The following ZBTB38 variants were observed in gnomAD, a reference collection of about 807,000 sequenced individuals.
ZBTB38 encodes the protein zinc finger and BTB domain-containing protein 38.
ZBTB38 carries 20 observed loss-of-function variants against 76.8 expected under a neutral mutation model. The ratio of observed to expected loss-of-function variants is 0.26; its 90% CI spans 0.18 to 0.38. ZBTB38 has a LOEUF of 0.38. ZBTB38 is among the 10% of genes least tolerant of loss of function. The probability of loss-of-function intolerance (pLI) is 1.00; values close to 1 mark genes in which losing one functional copy is unlikely to be tolerated. For synonymous variants in ZBTB38, 504 were observed against 544.2 expected (o/e 0.93, Z 1.03); for missense variants, 1,082 against 1,482.3 (o/e 0.73, Z 4.43).
chr3:141,424,156 C>T (rs546101404), intron 5 of ZBTB38, among the ~76,000 whole-genome samples: 3 of 152,330 alleles, frequency 2.0e-5, no homozygotes, highest in East Asian at 1.9e-4. Context: ...ATCTTAAACA[C>T]CTTCCTTTCT....
At chr3:141,373,850 C>T (rs945012870) in intron 2 of ZBTB38, among the ~76,000 whole-genome samples, 1 of 152,122 alleles carries the variant, frequency 6.6e-6, no homozygotes, top group African/African-American at 2.4e-5. Flanking sequence ...CTGATAAAGG[C>T]CGGGAGTGGT....
intron 4 of ZBTB38, chr3:141,389,311 GGTT>G (rs1198123314): frequency 1.3e-5 from 2 of 152,200 alleles, no homozygotes; most frequent in African/African-American, 4.8e-5. Context: ...GGGTGGTGGT[GGTT>G]GTTGTCATGT....
intron 5 of ZBTB38, among the ~76,000 whole-genome samples, chr3:141,439,774 GT>G (rs1296948480): frequency 2.6e-5 from 4 of 152,210 alleles, no homozygotes; most frequent in African/African-American, 9.7e-5. Context: ...CATATAGCAT[GT>G]GTTTTGTCAG....
intron 1 of ZBTB38, among the ~76,000 whole-genome samples, chr3:141,347,961 A>G (rs751373645): frequency 3.9e-5 from 6 of 152,172 alleles, no homozygotes; most frequent in East Asian, 3.8e-4. Flanking sequence ...TCTTGTTCTG[A>G]TTAGACCCTG....
At chr3:141,365,136 T>A (rs1227679632), upstream of ZBTB38, among the ~76,000 whole-genome samples, 1 of 152,034 alleles carries the variant, frequency 6.6e-6, no homozygotes, top group Non-Finnish European at 1.5e-5. Context: ...TGAAAACAAC[T>A]CAAGTGTTCA....
intron 1 of ZBTB38, among the ~76,000 whole-genome samples, chr3:141,332,138 T>C (rs1442376435): frequency 3.9e-5 from 6 of 152,192 alleles, no homozygotes; most frequent in African/African-American, 1.4e-4. Flanking sequence ...TTCATCCTAA[T>C]ACTTTTTTCC....
chr3:141,353,811 T>C, intron 1 of ZBTB38, among the ~76,000 whole-genome samples: 1 of 152,148 alleles, frequency 6.6e-6, no homozygotes, highest in African/African-American at 2.4e-5. Flanking sequence ...TGGTTCACTG[T>C]TACTCACTGT....
At chr3:141,402,126 C>G (rs1206463444) in intron 4 of ZBTB38, among the ~76,000 whole-genome samples, 1 of 152,202 alleles carries the variant, frequency 6.6e-6, no homozygotes, top group African/African-American at 2.4e-5. Flanking sequence ...GCCGCTGCCT[C>G]CTTGGTGGGG....
At chr3:141,385,068 T>G (rs1946759309) in intron 3 of ZBTB38, among the ~76,000 whole-genome samples, 1 of 152,222 alleles carries the variant, frequency 6.6e-6, no homozygotes, top group Non-Finnish European at 1.5e-5. Flanking sequence ...ATATTTTCTC[T>G]TTTAAAAAAA....
chr3:141,364,648 G>A (rs1017229001), upstream of ZBTB38, among the ~76,000 whole-genome samples: 4 of 118,846 alleles, frequency 3.4e-5, no homozygotes, highest in African/African-American at 9.3e-5. Context: ...TTGCACTCCA[G>A]CTGAGGCAAT....
At chr3:141,384,431 T>TATTTAGCCTACATGATAATAATTTGCG (rs1946645430) in intron 3 of ZBTB38, among the ~76,000 whole-genome samples, 1 of 152,256 alleles carries the variant, frequency 6.6e-6, no homozygotes, top group African/African-American at 2.4e-5. Context: ...ATAACATGTA[T>TATTTAGCCTACATGATAATAATTTGCG]ATTTAGCCTA....
chr3:141,433,718 T>C lies in ZBTB38; in HGVS notation c.1-8671T>C, dbSNP rs552191703. Among the ~76,000 whole-genome samples, 120 of 152,350 alleles carry C rather than the reference T, an allele frequency of 7.9e-4. 1 individual carries two copies. The highest frequency in any genetic ancestry group is 1.4e-3 in the Non-Finnish European group (92 of 68,036). On this transcript the variant is annotated intron_variant, in intron 5 of 5. Transcript: ENST00000321464. ...CTGGCTTGATAGAAAGACAGCTAGA[T>C]TTTCATCTCTGCTCCTGCCTTCAGC...
At chr3:141,390,795 G>A (rs1389291676) in intron 4 of ZBTB38, among the ~76,000 whole-genome samples, 1 of 152,158 alleles carries the variant, frequency 6.6e-6, no homozygotes, top group Non-Finnish European at 1.5e-5. Flanking sequence ...CTTGCAGGGA[G>A]GGGAATAAGC....
intron 1 of ZBTB38, among the ~76,000 whole-genome samples, chr3:141,345,767 C>T (rs916135186): frequency 1.1e-4 from 17 of 152,006 alleles, no homozygotes; most frequent in South Asian, 4.2e-4. Context: ...GCTTAACCTA[C>T]GATAGGTTCC....
intron 1 of ZBTB38, among the ~76,000 whole-genome samples, chr3:141,357,686 C>T (rs1943706197): frequency 6.6e-6 from 1 of 152,098 alleles, no homozygotes; most frequent in African/African-American, 2.4e-5. Context: ...CCCGCCACCA[C>T]GCCCTGCTAA....
chr3:141,359,505 A>C (rs1240126570), intron 1 of ZBTB38, among the ~76,000 whole-genome samples: 1 of 152,206 alleles, frequency 6.6e-6, no homozygotes, highest in Non-Finnish European at 1.5e-5. Context: ...GTAGGCTAAC[A>C]ACAGTGTTTG....
intron 3 of ZBTB38, 145 bp downstream of exon 3, chr3:141,381,632 G>C (rs537039388): frequency 6.6e-6 from 1 of 152,230 alleles, no homozygotes; most frequent in Non-Finnish European, 1.5e-5. Context: ...ACCTATGAGC[G>C]TTGAGCAAGA....
Position 141,445,954 on chromosome 3 carries a change from G to A in ZBTB38, c.3566G>A (p.Gly1189Asp), listed in dbSNP as rs779662734. The change falls in exon 6 of 6, where the codon GGT becomes GAT. Residue 1189 changes from glycine (G) to aspartate (D), a missense_variant. Transcript: ENST00000321464. This position sits in a 1 kb window ranked among gnomAD's most constrained non-coding sequence, Gnocchi z 6.5. ...GACCAAAAGGATAACATACAAACCGGTGTGGAAAATGTTGTCCTTTGAGTG... is the reference window on the plus strand; with the variant it reads ...GACCAAAAGGATAACATACAAACCGATGTGGAAAATGTTGTCCTTTGAGTG... Reference protein sequence around the residue: ...DNDQKDNIQTGVENVVL With the variant: ...DNDQKDNIQTDVENVVL The A allele has an allele frequency of 6.3e-7, 1 of 1,588,038 alleles. No homozygotes were observed. Among genetic ancestry groups the A allele is most frequent in the South Asian group, 1.1e-5 (1 of 89,886 alleles).
At chr3:141,415,661 TA>T (rs1416222313) in intron 5 of ZBTB38, among the ~76,000 whole-genome samples, 5 of 152,230 alleles carry the variant, frequency 3.3e-5, no homozygotes, top group Admixed American at 6.5e-5. Context: ...GTGGACTTGC[TA>T]ACTAGGAGGT....
Sources: allele counts gnomAD v4.1 joint callset (sites outside exome capture counted in the v4.1 genomes callset), GRCh38; gene constraint gnomAD v4.1.1; non-coding constraint Gnocchi (gnomAD v3.1); transcripts MANE v1.5; gene names NCBI Gene and HGNC (gene_info 2026-07-23, HGNC 2026-07-21).